Variants in FBXO31 observed in about 807,000 individuals in gnomAD.
FBXO31 encodes the protein F-box only protein 31.
FBXO31 carries 24 observed loss-of-function variants against 54.4 expected under a neutral mutation model. That is an observed-to-expected ratio of 0.44 (90% CI 0.32 to 0.62). The LOEUF is 0.62. Among genes scored for constraint, FBXO31 ranks in the 20% least tolerant of loss-of-function variants. FBXO31 has a pLI of 0.05. For synonymous variants in FBXO31, 388 were observed against 335.6 expected, an observed-to-expected ratio of 1.16 and a Z score of -1.71; for missense variants, 665 against 787.1, an observed-to-expected ratio of 0.84 and a Z score of 1.86.
At chr16:87,362,275 T>C (rs893541487) in intron 1 of FBXO31, among the ~76,000 whole-genome samples, 2 of 152,212 alleles carry the variant, frequency 1.3e-5, no homozygotes, top group Non-Finnish European at 2.9e-5. Flanking sequence ...CTAATTATTA[T>C]CTTTTCAATG....
At chr16:87,379,798 G>C (rs1374334559) in intron 1 of FBXO31, among the ~76,000 whole-genome samples, 1 of 151,782 alleles carries the variant, frequency 6.6e-6, no homozygotes, top group Admixed American at 6.6e-5. Flanking sequence ...ATGTCGGCCA[G>C]GCTGGTCTCC....
At chr16:87,382,268 T>C (rs187484743) in intron 1 of FBXO31, among the ~76,000 whole-genome samples, 8 of 152,366 alleles carry the variant, frequency 5.3e-5, no homozygotes, top group Admixed American at 2.0e-4. Context: ...TATTGCATTA[T>C]ATCCTTTAGG....
At chr16:87,390,954 A>G (rs1034551391), upstream of FBXO31, among the ~76,000 whole-genome samples, 5 of 152,188 alleles carry the variant, frequency 3.3e-5, no homozygotes, top group African/African-American at 1.2e-4. Context: ...AGCCTAATCC[A>G]ATTACTTTAT....
chr16:87,337,230 T>C (rs1355983700), intron 5 of FBXO31, among the ~76,000 whole-genome samples: 2 of 152,232 alleles, frequency 1.3e-5, no homozygotes, highest in East Asian at 3.8e-4. Context: ...GAATAAATGT[T>C]ACAAAATACG....
At position 87,335,411 on chromosome 16, in the gene FBXO31, C is replaced by T. The variant is rs189971356; in HGVS notation, c.889G>A (p.Asp297Asn). The T allele has an allele frequency of 8.7e-6, 14 of 1,613,780 alleles. No individual in the cohort carries two copies. The highest frequency in any genetic ancestry group is 2.2e-5 in the South Asian group (2 of 91,056). ...RRIYLPPSRP[D>N]DLIKPGLFKG... ...AAGAGGCCAGGCTTGATGAGGTCGT[C>T]GGGGCGGCTGGGCGGCAGGTAGATG... Residue 297 changes from aspartate (D) to asparagine (N), a missense_variant, in exon 7 of 9, where the codon GAC becomes AAC. Physicochemically the swap from Asp to Asn is conservative, Grantham distance 23. This residue lies in a region of FBXO31 where 234 missense variants were observed against 346.8 expected (regional missense o/e 0.67). Coordinates refer to ENST00000311635, the MANE Select transcript of FBXO31 (RefSeq NM_024735.5). The surrounding 1 kb of genome is among the most constrained non-coding windows in gnomAD (Gnocchi z 5.7).
At chr16:87,349,334 C>A (rs1024697370) in intron 2 of FBXO31, among the ~76,000 whole-genome samples, 46 of 152,306 alleles carry the variant, frequency 3.0e-4, no homozygotes, top group African/African-American at 1.1e-3. Context: ...CCCCCGGAAG[C>A]CCCAGTGGCA....
chr16:87,382,056 G>A (rs911216192), intron 1 of FBXO31, among the ~76,000 whole-genome samples: 2 of 151,130 alleles, frequency 1.3e-5, no homozygotes, highest in African/African-American at 4.9e-5. Context: ...GCATCCCACC[G>A]AGACAATCTC....
chr16:87,329,706 C>CACT lies in FBXO31; in HGVS notation c.*1581_*1582insAGT, dbSNP rs1555547059. The CACT allele has an allele frequency of 6.6e-6, 1 of 152,240 alleles. No individual in the cohort carries two copies. Among genetic ancestry groups the CACT allele is most frequent in the African/African-American group, 2.4e-5 (1 of 41,462 alleles). The allele number at this position is 152,240 out of a possible 1,614,324, so 9.4% of individuals were successfully genotyped here. ...TGCGCCTCGGGGTCTGCGTGGCTCC[C>CACT]GCTGCTGCCGCCCTGGAAGGGCGCT... On this transcript the variant is annotated 3_prime_UTR_variant, in exon 9 of 9. Coordinates refer to ENST00000311635, the MANE Select transcript of FBXO31 (RefSeq NM_024735.5).
rs4843600 is a variant in FBXO31 at position 87,351,409 on chromosome 16, C to T, written c.413-4159G>A. On this transcript the variant is annotated intron_variant, in intron 2 of 8. Transcript: ENST00000311635. ...TCCTCCCTAAATTGGGCTCTGGTGG[C>T]GGGGGAAAGGAGCCAGGAACAACGT... 7.7e-4 allele frequency among the ~76,000 whole-genome samples: 117 copies of T among 152,186 alleles called. 3 individuals carry two copies. The highest frequency in any genetic ancestry group is 1.9e-3 in the African/African-American group (79 of 41,486).
intron 2 of FBXO31, among the ~76,000 whole-genome samples, chr16:87,353,664 G>C (rs946404805): frequency 6.6e-6 from 1 of 152,020 alleles, no homozygotes; most frequent in African/African-American, 2.4e-5. Flanking sequence ...TGAACCTGTG[G>C]CCTCCAGCCT....
intron 1 of FBXO31, among the ~76,000 whole-genome samples, chr16:87,382,929 C>T (rs1907147784): frequency 6.6e-6 from 1 of 152,200 alleles, no homozygotes; most frequent in South Asian, 2.1e-4. Context: ...AAACCGCGCC[C>T]GGCCTGCTCC....
chr16:87,374,833 G>T (rs1047194547), intron 1 of FBXO31, among the ~76,000 whole-genome samples: 2 of 152,206 alleles, frequency 1.3e-5, no homozygotes, highest in African/African-American at 4.8e-5. Flanking sequence ...TCAGAATGAT[G>T]CTATGAATTT....
chr16:87,343,082 T>C, intron 4 of FBXO31, 131 bp from the exon 5 acceptor site: 1 of 696,878 alleles, frequency 1.4e-6, no homozygotes, highest in East Asian at 2.8e-5. Flanking sequence ...GCACCCAAGA[T>C]GCGACCAACG....
chr16:87,385,553 T>G (rs1223623721), upstream of FBXO31, among the ~76,000 whole-genome samples: 1 of 151,916 alleles, frequency 6.6e-6, no homozygotes, highest in African/African-American at 2.4e-5. Context: ...ATACATAAAT[T>G]ATAAATTGTA....
At chr16:87,382,806 T>C (rs1907140804) in intron 1 of FBXO31, among the ~76,000 whole-genome samples, 1 of 152,208 alleles carries the variant, frequency 6.6e-6, no homozygotes, top group Non-Finnish European at 1.5e-5. Context: ...CTAATTTTTG[T>C]ATTTTTGTAA....
intron 3 of FBXO31, 126 bp from the exon 4 acceptor site, chr16:87,343,891 C>T (rs529786750): frequency 3.1e-5 from 30 of 970,810 alleles, no homozygotes; most frequent in East Asian, 1.5e-4. Flanking sequence ...GGGACCTGCA[C>T]GCCCACCCTC....
chr16:87,380,091 A>T (rs1323850529), intron 1 of FBXO31, among the ~76,000 whole-genome samples: 15 of 150,982 alleles, frequency 9.9e-5, no homozygotes, highest in Non-Finnish European at 1.9e-4. Context: ...CAAGGTGAGG[A>T]TATCAAGACC....
Position 87,343,586 on chromosome 16 carries a change from C to T in FBXO31, c.657+12G>A, listed in dbSNP as rs760422815. On this transcript the variant is annotated intron_variant, in intron 4 of 8. Transcript: ENST00000311635. ...TGGGACAGTGAGGACCCAGCCCCGC[C>T]GCTGCACACACCTGGATGTGGCCGT... The T allele has an allele frequency of 7.5e-6, 12 of 1,593,054 alleles. No individual in the cohort carries two copies. The highest frequency in any genetic ancestry group is 4.6e-5 in the East Asian group (2 of 43,256).
intron 1 of FBXO31, among the ~76,000 whole-genome samples, chr16:87,375,176 G>T (rs1362322120): frequency 6.6e-6 from 1 of 152,170 alleles, no homozygotes; most frequent in African/African-American, 2.4e-5. Flanking sequence ...CGTGGTAGCG[G>T]GCGCCTGTAG....
Sources: gnomAD v4.1 joint callset for allele counts (sites outside exome capture counted in the v4.1 genomes callset) on GRCh38, gnomAD v4.1.1 for gene constraint, gnomAD v4.1.1 regional missense constraint, Gnocchi (gnomAD v3.1) non-coding constraint, MANE v1.5 for transcripts, NCBI Gene and HGNC (gene_info 2026-07-23, HGNC 2026-07-21) for gene names.